The following RORB variants were observed in gnomAD, a reference collection of about 807,000 sequenced individuals.
RORB encodes the protein RAR related orphan receptor B.
RORB carries 6 observed loss-of-function variants against 59.1 expected under a neutral mutation model. The ratio of observed to expected loss-of-function variants is 0.10; its 90% CI spans 0.06 to 0.20. The LOEUF is 0.20. Ranked by LOEUF, RORB falls within the 10% of genes least tolerant of loss-of-function variation. The pLI, the probability that RORB is intolerant of heterozygous loss-of-function variation, is 1.00. For missense variants in RORB, 320 were observed against 560.5 expected (o/e 0.57, Z 4.33); for synonymous variants, 215 against 204.5 (o/e 1.05, Z -0.44).
chr9:74,613,727 C>CT (rs1247308947), intron 1 of RORB, among the ~76,000 whole-genome samples: 1 of 152,142 alleles, frequency 6.6e-6, no homozygotes, highest in African/African-American at 2.4e-5. Flanking sequence ...CTCTCCACCC[C>CT]TTGCCTTTCT....
intron 3 of RORB, among the ~76,000 whole-genome samples, chr9:74,641,305 A>G (rs1294194255): frequency 6.6e-6 from 1 of 152,160 alleles, no homozygotes; most frequent in Non-Finnish European, 1.5e-5. Context: ...GAAACAACAC[A>G]CTGAAATGAA....
chr9:74,570,482 G>A (rs929443666), intron 1 of RORB, among the ~76,000 whole-genome samples: 1 of 152,028 alleles, frequency 6.6e-6, no homozygotes, highest in Admixed American at 6.6e-5. Context: ...ATACATTTGT[G>A]GGAAGAACTG....
intron 9 of RORB, among the ~76,000 whole-genome samples, chr9:74,680,315 G>A (rs1035824024): frequency 6.6e-6 from 1 of 152,200 alleles, no homozygotes; most frequent in Non-Finnish European, 1.5e-5. Context: ...TTATGTCCCT[G>A]TAGGTATCTA....
At chr9:74,650,336 AT>A (rs1823970915) in intron 4 of RORB, among the ~76,000 whole-genome samples, 1 of 152,174 alleles carries the variant, frequency 6.6e-6, no homozygotes, top group African/African-American at 2.4e-5. Flanking sequence ...TATTAGCCAC[AT>A]TTTCAAGCAC....
intron 1 of RORB, among the ~76,000 whole-genome samples, chr9:74,607,388 G>A (rs1316409818): frequency 1.3e-5 from 2 of 152,176 alleles, no homozygotes; most frequent in East Asian, 1.9e-4. Context: ...TTGTAACGGT[G>A]AGGCTTGCCA....
chr9:74,567,742 A>G (rs1391885274), intron 1 of RORB, among the ~76,000 whole-genome samples: 1 of 152,194 alleles, frequency 6.6e-6, no homozygotes, highest in Non-Finnish European at 1.5e-5. Flanking sequence ...TATGAAAGAT[A>G]AAGACTCAGC....
At chr9:74,507,595 C>T (rs1178962523) in intron 1 of RORB, among the ~76,000 whole-genome samples, 2 of 151,966 alleles carry the variant, frequency 1.3e-5, no homozygotes, top group African/African-American at 4.8e-5. Flanking sequence ...TAGCTTGAAC[C>T]AGAATAAACA....
chr9:74,653,746 A>G (rs1159208870), intron 4 of RORB, among the ~76,000 whole-genome samples: 2 of 152,064 alleles, frequency 1.3e-5, no homozygotes. Flanking sequence ...TAATGAAACT[A>G]CCCGTGCAAT....
intron 9 of RORB, among the ~76,000 whole-genome samples, chr9:74,684,931 T>C (rs186723932): frequency 5.1e-4 from 77 of 152,300 alleles, no homozygotes; most frequent in Non-Finnish European, 8.5e-4. Context: ...GTCACAAAAA[T>C]CTATGGGAAA....
intron 1 of RORB, among the ~76,000 whole-genome samples, chr9:74,513,138 A>T (rs1383582621): frequency 6.6e-6 from 1 of 152,156 alleles, no homozygotes; most frequent in African/African-American, 2.4e-5. Context: ...AAGTGAGTTC[A>T]ATTGCTATGG....
At chr9:74,575,796 G>A (rs1822625934) in intron 1 of RORB, among the ~76,000 whole-genome samples, 1 of 152,038 alleles carries the variant, frequency 6.6e-6, no homozygotes, top group African/African-American at 2.4e-5. Flanking sequence ...TTATACAGTG[G>A]TACAGGGAAT....
intron 4 of RORB, among the ~76,000 whole-genome samples, chr9:74,653,285 T>C (rs1054589204): frequency 6.6e-6 from 1 of 152,198 alleles, no homozygotes; most frequent in Non-Finnish European, 1.5e-5. Context: ...CATAGAGATA[T>C]CCTGCCACTA....
intron 1 of RORB, among the ~76,000 whole-genome samples, chr9:74,619,823 G>C (rs1823380302): frequency 1.3e-5 from 2 of 152,150 alleles, no homozygotes; most frequent in African/African-American, 4.8e-5. Flanking sequence ...CTTTGGTTCT[G>C]TTTATATGCT....
intron 1 of RORB, among the ~76,000 whole-genome samples, chr9:74,551,893 C>T (rs747520191): frequency 6.6e-6 from 1 of 152,080 alleles, no homozygotes; most frequent in Non-Finnish European, 1.5e-5. Flanking sequence ...GTATCCAGTG[C>T]TGGGACCAAA....
intron 3 of RORB, among the ~76,000 whole-genome samples, chr9:74,637,057 C>T (rs541609350): frequency 1.4e-4 from 22 of 152,236 alleles, no homozygotes; most frequent in South Asian, 4.1e-4. Context: ...ATGAAAGACA[C>T]GGTTATTTCT....
intron 1 of RORB, among the ~76,000 whole-genome samples, chr9:74,585,668 G>A (rs552060623): frequency 1.8e-4 from 28 of 151,972 alleles, no homozygotes; most frequent in African/African-American, 6.8e-4. Context: ...TTTTTTCTCC[G>A]CTATAAAAAG....
At chr9:74,637,467 G>A (rs989806727) in intron 3 of RORB, among the ~76,000 whole-genome samples, 4 of 152,142 alleles carry the variant, frequency 2.6e-5, no homozygotes, top group African/African-American at 9.7e-5. Flanking sequence ...AATCCACTTG[G>A]AAACACATAC....
chr9:74,572,604 T>C (rs755993830), intron 1 of RORB, among the ~76,000 whole-genome samples: 7 of 152,060 alleles, frequency 4.6e-5, no homozygotes, highest in Non-Finnish European at 7.4e-5. Context: ...GGTAATGAGA[T>C]ACAAAACCAG....
intron 6 of RORB, among the ~76,000 whole-genome samples, 174 bp downstream of exon 6, chr9:74,662,780 A>G (rs1388664490): frequency 6.6e-6 from 1 of 152,208 alleles, no homozygotes; most frequent in African/African-American, 2.4e-5. Context: ...ATACTCATTC[A>G]GTTCCCCTTT....
Sources: allele counts gnomAD v4.1 joint callset (sites outside exome capture counted in the v4.1 genomes callset), GRCh38; gene constraint gnomAD v4.1.1; transcripts MANE v1.5; gene names NCBI Gene and HGNC (gene_info 2026-07-23, HGNC 2026-07-21).